Variants in SINHCAF observed in about 807,000 individuals in gnomAD.
The protein encoded by SINHCAF is SIN3-HDAC complex associated factor.
SINHCAF carries 3 observed loss-of-function variants against 25.8 expected under a neutral mutation model. That is an observed-to-expected ratio of 0.12 (90% CI 0.05 to 0.30). The LOEUF is 0.30. Ranked by LOEUF, SINHCAF falls within the 10% of genes least tolerant of loss-of-function variation. SINHCAF has a pLI of 1.00. For missense variants in SINHCAF, 121 were observed against 262.3 expected (o/e 0.46, Z 3.72); for synonymous variants, 70 against 85.5 (o/e 0.82, Z 1.00).
At chr12:31,321,904 G>A (rs190319735) in intron 1 of SINHCAF, among the ~76,000 whole-genome samples, 2 of 152,074 alleles carry the variant, frequency 1.3e-5, no homozygotes, top group Admixed American at 1.3e-4. Context: ...CATGTAAAAT[G>A]GTTCTTAAAT....
At chr12:31,312,095 T>C (rs1235497781) in intron 1 of SINHCAF, 1 of 475,390 alleles carries the variant, frequency 2.1e-6, no homozygotes, top group African/African-American at 2.0e-5. Context: ...CTGGTCCCAA[T>C]GGTAACAACT....
rs1939843022 is a variant in SINHCAF, at chr12:31,324,136, C to T, written c.-21+1888G>A. 2.3e-6 allele frequency: 1 copy of T among 437,646 alleles called. No individual in the cohort carries two copies. The highest frequency in any genetic ancestry group is 4.6e-6 in the Non-Finnish European group (1 of 217,472). The allele number at this position is 437,646 out of a possible 1,614,324, so 27.1% of individuals were successfully genotyped here. A position where few individuals can be genotyped will look rare whatever the true frequency, so the allele number is the denominator to read the frequency against. ...GGAGGTGAACCGCGTCGCTCGCCGC[C>T]ACCTCCCTCACCTGCGCCGGAACAA... is the stretch of plus-strand genomic sequence containing the variant. On this transcript the variant is annotated intron_variant, in intron 1 of 5. Transcript: ENST00000337682. The surrounding 1 kb of genome is among the most constrained non-coding windows in gnomAD (Gnocchi z 5.5).
chr12:31,290,633 T>C (rs1364120010), intron 4 of SINHCAF, among the ~76,000 whole-genome samples: 4 of 152,208 alleles, frequency 2.6e-5, no homozygotes, highest in Non-Finnish European at 4.4e-5. Context: ...GACACCTCTA[T>C]GCTGCTGAGG....
At position 31,325,374 on chromosome 12, in the gene SINHCAF, C is replaced by T. The variant is rs1939928659; in HGVS notation, c.-21+650G>A. On this transcript the variant is annotated intron_variant, in intron 1 of 5. Transcript: ENST00000337682. This position sits in a 1 kb window ranked among gnomAD's most constrained non-coding sequence, Gnocchi z 5.9. The stretch of plus-strand genomic sequence containing the variant: ...GCATCCGCATCCCTCCGGAGTTGAG[C>T]AAACAACGCCACGCCGCGTGCGCTC... 1 of 382,652 alleles carries T rather than the reference C, an allele frequency of 2.6e-6. No homozygotes were observed. Among genetic ancestry groups the T allele is most frequent in the Non-Finnish European group, 5.2e-6 (1 of 190,542 alleles). 23.7% of individuals were successfully genotyped at this position (382,652 alleles called of 1,614,324 possible).
intron 4 of SINHCAF, among the ~76,000 whole-genome samples, chr12:31,291,432 G>T (rs1938311416): frequency 6.6e-6 from 1 of 152,136 alleles, no homozygotes; most frequent in African/African-American, 2.4e-5. Context: ...GTAACTCTAG[G>T]TCCAATGCCT....
rs75191502 is a variant in SINHCAF at position 31,291,066 on chromosome 12, C to G, written c.355+2739G>C. On this transcript the variant is annotated intron_variant, in intron 4 of 5. Transcript: ENST00000337682. ...AAAATTACGTAGGATTTAGAAGGCA[C>G]CAAGGAGTGATTAGATGGCATCAAG... Among the ~76,000 whole-genome samples, 3 of 152,110 alleles carry G rather than the reference C, an allele frequency of 2.0e-5. No homozygotes were observed. In the South Asian group the frequency reaches 6.2e-4, roughly 32 times the overall value.
At position 31,282,620 on chromosome 12, in the gene SINHCAF, C is replaced by T; in HGVS notation, c.*92G>A. ...CTGGGTAACAAGAGCAAAACTCCGT[C>T]TCAAAAAAAAAAGAGGGTCAGTTTG... On this transcript the variant is annotated 3_prime_UTR_variant, in exon 6 of 6. Coordinates refer to ENST00000337682, the MANE Select transcript of SINHCAF (RefSeq NM_001135812.2). The T allele has an allele frequency of 3.4e-6, 4 of 1,165,566 alleles. No individual in the cohort carries two copies. The highest frequency in any genetic ancestry group is 4.1e-4 in the Middle Eastern group (2 of 4,844). 72.2% of individuals were successfully genotyped at this position (1,165,566 alleles called of 1,614,324 possible). A position where few individuals can be genotyped will look rare whatever the true frequency, so the allele number is the denominator to read the frequency against.
chr12:31,317,934 TTTC>T (rs1939552587), intron 1 of SINHCAF, among the ~76,000 whole-genome samples: 1 of 152,172 alleles, frequency 6.6e-6, no homozygotes, highest in Non-Finnish European at 1.5e-5. Context: ...AGGAGATGCA[TTTC>T]TTTAGAGCCA....
intron 1 of SINHCAF, among the ~76,000 whole-genome samples, chr12:31,319,035 T>G (rs1939603662): frequency 6.6e-6 from 1 of 152,224 alleles, no homozygotes; most frequent in Admixed American, 6.5e-5. Flanking sequence ...AGCCCAGGTC[T>G]GTGGGAAAAG....
chr12:31,311,729 G>A (rs4931478), intron 1 of SINHCAF: 355,672 of 505,310 alleles, frequency 0.7, 127,399 homozygotes, highest in African/African-American at 0.86. Context: ...ATGTCTCCCA[G>A]TGACTTTATC....
chr12:31,287,824 T>A, intron 4 of SINHCAF, 40 bp from the exon 5 acceptor site: 2 of 1,472,394 alleles, frequency 1.4e-6, no homozygotes, highest in Non-Finnish European at 1.9e-6. Context: ...ATTTTCAATT[T>A]CATTACATGT....
At chr12:31,305,947 G>A (rs186058696) in intron 1 of SINHCAF, among the ~76,000 whole-genome samples, 164 of 152,190 alleles carry the variant, frequency 1.1e-3, no homozygotes, top group Middle Eastern at 0.01. Context: ...TGATCCGCCC[G>A]CCTCGGCCTC....
rs1167548447 is a variant in SINHCAF, at chr12:31,282,885, T to C, written c.507-14A>G. On this transcript the variant is annotated splice_polypyrimidine_tract_variant and intron_variant, in intron 5 of 5. Transcript: ENST00000337682. ...CATATCTTCTGTCTAAAAGAAAAAA[T>C]GGAGAACAAGATACATTAATAAGGA... 2.5e-6 allele frequency: 4 copies of C among 1,580,544 alleles called. No homozygotes were observed. The highest frequency in any genetic ancestry group is 3.4e-6 in the Non-Finnish European group (4 of 1,166,720).
intron 3 of SINHCAF, among the ~76,000 whole-genome samples, chr12:31,294,661 CTATTATAA>C (rs1938475218): frequency 6.6e-6 from 1 of 152,146 alleles, no homozygotes; most frequent in African/African-American, 2.4e-5. Context: ...AAATCATGAC[CTATTATAA>C]TAACATAACA....
At chr12:31,319,351 A>G (rs2137136592) in intron 1 of SINHCAF, among the ~76,000 whole-genome samples, 1 of 152,312 alleles carries the variant, frequency 6.6e-6, no homozygotes. Flanking sequence ...ACATGGTGAA[A>G]CACCGTTTCT....
At chr12:31,291,775 GAAAA>G (rs745942006) in intron 4 of SINHCAF, among the ~76,000 whole-genome samples, 4 of 125,076 alleles carry the variant, frequency 3.2e-5, no homozygotes, top group African/African-American at 1.2e-4. Flanking sequence ...CTCCATCTCA[GAAAA>G]AAAAAAAAAG....
chr12:31,311,979 T>C, intron 1 of SINHCAF: 1 of 700,332 alleles, frequency 1.4e-6, no homozygotes. Flanking sequence ...TTGTTTATGG[T>C]AGCCTTTCAG....
chr12:31,320,764 G>GA (rs950746918), intron 1 of SINHCAF, among the ~76,000 whole-genome samples: 2 of 151,692 alleles, frequency 1.3e-5, no homozygotes, highest in East Asian at 1.9e-4. Flanking sequence ...ACTTTTGCAG[G>GA]AAAAAAAACC....
intron 5 of SINHCAF, 108 bp downstream of exon 5, chr12:31,287,524 CGT>C (rs1938130217): frequency 1.5e-5 from 11 of 711,876 alleles, no homozygotes; most frequent in Non-Finnish European, 4.4e-6. Flanking sequence ...CCACTGCAAT[CGT>C]GTGTTACCAA....
Sources: allele counts gnomAD v4.1 joint callset (sites outside exome capture counted in the v4.1 genomes callset), GRCh38; gene constraint gnomAD v4.1.1; non-coding constraint Gnocchi (gnomAD v3.1); transcripts MANE v1.5; gene names NCBI Gene and HGNC (gene_info 2026-07-23, HGNC 2026-07-21).